Variants in TRPM3 observed in about 807,000 individuals in gnomAD.
TRPM3 encodes the protein long transient receptor potential channel 3.
In TRPM3, 77 loss-of-function variants were observed where a neutral mutation model predicts 181.2. The ratio of observed to expected loss-of-function variants is 0.42; its 90% CI spans 0.35 to 0.51. The LOEUF is 0.51. Ranked by LOEUF, TRPM3 falls within the 20% of genes least tolerant of loss-of-function variation. The pLI is 0.01. For missense variants in TRPM3, 1,759 were observed against 2,196.7 expected (o/e 0.80, Z 3.98); for synonymous variants, 745 against 796.4 (o/e 0.94, Z 1.09).
rs2094961746 is a variant in TRPM3 at position 70,846,582 on chromosome 9, C to T, written c.472G>A (p.Val158Ile). ...AGATCAGGTTTTGTATCAAAAGATACTCGCACATACTGGAAGAAGAAAGGA... is the reference window on the plus strand; with the variant it reads ...AGATCAGGTTTTGTATCAAAAGATATTCGCACATACTGGAAGAAGAAAGGA... ...GHSNKAMYVR[V>I]SFDTKPDLLL... The change falls in exon 4 of 26, where the codon GTA becomes ATA. Residue 158 changes from valine to isoleucine, a missense_variant. Physicochemically the swap from Val to Ile is conservative, Grantham distance 29 (BLOSUM62 3). This residue lies in a region of TRPM3 where 737 missense variants were observed against 957.4 expected (regional missense o/e 0.77). Coordinates refer to ENST00000677713, the MANE Select transcript of TRPM3 (RefSeq NM_001366145.2). 5.6e-6 allele frequency: 9 copies of T among 1,613,944 alleles called. No homozygotes were observed. Among genetic ancestry groups the T allele is most frequent in the Non-Finnish European group, 6.8e-6 (8 of 1,179,856 alleles).
At position 70,537,180 on chromosome 9, in the gene TRPM3, G is replaced by T. The variant is rs781473582; in HGVS notation, c.3933C>A (p.Ser1311Arg). The T allele has an allele frequency of 1.3e-6, 2 of 1,591,044 alleles. No individual in the cohort carries two copies. Among genetic ancestry groups the T allele is most frequent in the East Asian group, 2.3e-5 (1 of 44,326 alleles). ...CTDAAYIVRQSSFNSQEGNTF... is the reference protein window; with the variant it reads ...CTDAAYIVRQRSFNSQEGNTF... ...TGTTCCCTTCCTGGCTGTTGAAGCT[G>T]CTCTGACGGACAATGTAGGCGGCGT... The change falls in exon 26 of 26, where the codon AGC (serine) becomes AGA (arginine). Residue 1311 changes from serine (S) to arginine (R), a missense_variant. By Grantham distance (110) the Ser-to-Arg change is moderately radical. Transcript: ENST00000677713.
At chr9:70,855,248 G>A (rs1213137273) in intron 3 of TRPM3, among the ~76,000 whole-genome samples, 9 of 152,200 alleles carry the variant, frequency 5.9e-5, no homozygotes, top group Admixed American at 3.9e-4. Flanking sequence ...GTAGGCAAAG[G>A]CTGATTGGTG....
chr9:71,396,896 G>A (rs1309262131), intron 1 of TRPM3, among the ~76,000 whole-genome samples: 6 of 151,576 alleles, frequency 4.0e-5, no homozygotes, highest in African/African-American at 1.5e-4. Context: ...AACCCGGGAG[G>A]TGGAGGTTGC....
At chr9:70,796,978 A>C (rs1275580208) in intron 6 of TRPM3, among the ~76,000 whole-genome samples, 1 of 151,734 alleles carries the variant, frequency 6.6e-6, no homozygotes, top group Non-Finnish European at 1.5e-5. Context: ...AAAAATTTAA[A>C]AGTTAGCTGG....
chr9:70,753,655 G>A (rs865951017), intron 8 of TRPM3, among the ~76,000 whole-genome samples: 1 of 152,110 alleles, frequency 6.6e-6, no homozygotes, highest in Non-Finnish European at 1.5e-5. Context: ...TGCTTGAGGC[G>A]TTTGATCTCA....
At chr9:70,769,488 C>T (rs906371753) in intron 7 of TRPM3, among the ~76,000 whole-genome samples, 10 of 151,350 alleles carry the variant, frequency 6.6e-5, no homozygotes, top group African/African-American at 2.2e-4. Flanking sequence ...CTTTGGAGTA[C>T]GGATGATCAA....
intron 1 of TRPM3, among the ~76,000 whole-genome samples, chr9:71,252,313 C>T (rs1052880498): frequency 1.2e-4 from 19 of 152,024 alleles, no homozygotes; most frequent in African/African-American, 4.6e-4. Flanking sequence ...TACAGCGTAT[C>T]AGGGTAACAC....
At chr9:71,195,059 G>A (rs1445160641) in intron 1 of TRPM3, among the ~76,000 whole-genome samples, 2 of 151,846 alleles carry the variant, frequency 1.3e-5, no homozygotes, top group African/African-American at 2.4e-5. Flanking sequence ...TTAACCCTGA[G>A]AAACAACCTA....
intron 1 of TRPM3, among the ~76,000 whole-genome samples, chr9:71,276,123 G>T (rs1217836162): frequency 6.6e-6 from 1 of 152,170 alleles, no homozygotes; most frequent in Admixed American, 6.5e-5. Flanking sequence ...TTACAGGCAT[G>T]AGCCACTGCA....
rs527552802 is a variant in TRPM3 at position 71,140,408 on chromosome 9, G to A, written c.184-275897C>T. ...GTCTTTCATTTCCAAAAGACATAGT[G>A]TGGGGTTTGAAAGTACAGCTATTTC... On this transcript the variant is annotated intron_variant, in intron 1 of 24. Transcript: ENST00000357533. Among the ~76,000 whole-genome samples, 29 of 152,258 alleles carry A rather than the reference G, an allele frequency of 1.9e-4. No homozygotes were observed. The South Asian group carries it at 6.0e-3, about 32-fold the overall frequency.
chr9:71,280,396 T>G (rs181388739), intron 1 of TRPM3, among the ~76,000 whole-genome samples: 6 of 152,106 alleles, frequency 3.9e-5, no homozygotes, highest in Non-Finnish European at 8.8e-5. Context: ...TGGGAACATA[T>G]GTATGTTATG....
chr9:70,625,539 AAAT>A lies in TRPM3; in HGVS notation c.1633-25_1633-23del. 6.2e-7 allele frequency: 1 copy of A among 1,606,204 alleles called. No individual in the cohort carries two copies. The highest frequency in any genetic ancestry group is 8.5e-7 in the Non-Finnish European group (1 of 1,176,982). ...CTCGCTTGGAAAGAAGACATAAGTT[AAAT>A]AAGAAGATGCAGTAATCGTCGGCAA... On this transcript the variant is annotated intron_variant, in intron 12 of 25. Coordinates refer to ENST00000677713, the MANE Select transcript of TRPM3 (RefSeq NM_001366145.2). The surrounding 1 kb of genome is among the most constrained non-coding windows in gnomAD (Gnocchi z 4.8).
intron 1 of TRPM3, among the ~76,000 whole-genome samples, chr9:71,061,110 G>A (rs748060703): frequency 2.2e-4 from 33 of 152,034 alleles, no homozygotes; most frequent in African/African-American, 5.6e-4. Flanking sequence ...GCCAGGTGCC[G>A]TGTACAATAA....
intron 1 of TRPM3, among the ~76,000 whole-genome samples, chr9:71,029,894 C>T (rs1462394087): frequency 6.6e-6 from 1 of 152,138 alleles, no homozygotes; most frequent in Non-Finnish European, 1.5e-5. Context: ...CTTTGGTGGA[C>T]TGCTCATATT....
intron 2 of TRPM3, 59 bp downstream of exon 2, chr9:70,864,373 T>G (rs1440202656): frequency 8.4e-7 from 1 of 1,196,150 alleles, no homozygotes; most frequent in African/African-American, 1.6e-5. Flanking sequence ...TGATTACTCT[T>G]GCAGGTTTTT....
intron 1 of TRPM3, among the ~76,000 whole-genome samples, chr9:71,006,979 C>G (rs555194745): frequency 4.9e-5 from 6 of 121,274 alleles, no homozygotes; most frequent in African/African-American, 1.6e-4. Context: ...GCAGAAGTTG[C>G]AGTGAGCCGA....
At chr9:71,420,659 AAGAG>A (rs1250646507) in intron 1 of TRPM3, among the ~76,000 whole-genome samples, 3 of 78,452 alleles carry the variant, frequency 3.8e-5, no homozygotes, top group African/African-American at 7.0e-5. Flanking sequence ...GAGAAAGAAA[AAGAG>A]AAAGAAAGAG....
intron 3 of TRPM3, 41 bp from the exon 4 acceptor site, chr9:70,846,632 A>T: frequency 6.5e-7 from 1 of 1,541,864 alleles, no homozygotes; most frequent in Non-Finnish European, 9.0e-7. Flanking sequence ...ACAAGGCAGG[A>T]CTGGCTGAGG....
chr9:71,416,061 C>T (rs1307509024), intron 1 of TRPM3, among the ~76,000 whole-genome samples: 1 of 150,198 alleles, frequency 6.7e-6, no homozygotes, highest in Non-Finnish European at 1.5e-5. Context: ...CTCAGATTTG[C>T]CCTTCTCAAT....
Sources: gnomAD v4.1 joint callset for allele counts (sites outside exome capture counted in the v4.1 genomes callset) on GRCh38, gnomAD v4.1.1 for gene constraint, gnomAD v4.1.1 regional missense constraint, Gnocchi (gnomAD v3.1) non-coding constraint, MANE v1.5 for transcripts, NCBI Gene and HGNC (gene_info 2026-07-23, HGNC 2026-07-21) for gene names.